CATSPER1: variants seen among roughly 807,000 people sequenced by gnomAD.
CATSPER1 encodes cation channel sperm-associated protein 1.
CATSPER1 carries 57 observed loss-of-function variants against 72.7 expected under a neutral mutation model. That is an observed-to-expected ratio of 0.78 (90% confidence interval 0.63 to 0.98). The LOEUF (loss-of-function observed/expected upper bound fraction) is 0.98, where lower values mean the gene tolerates loss of function less well. Ranked by LOEUF, CATSPER1 falls within the 50% of genes least tolerant of loss-of-function variation. The pLI, the probability that CATSPER1 is intolerant of heterozygous loss-of-function variation, is 0.00. For synonymous variants in CATSPER1, 363 were observed against 403.0 expected, an observed-to-expected ratio of 0.90 and a Z score of 1.19; for missense variants, 910 against 1,033.9, an observed-to-expected ratio of 0.88 and a Z score of 1.64.
Position 66,021,176 on chromosome 11 carries a change from G to T in CATSPER1, c.1701C>A (p.Thr567=). ...IRVLRRLSFL[T]SVQEVTGTLG... is the part of the protein sequence containing the mutation. ...GGGTCCCTGTCACTTCCTGGACGCT[G>T]GTCAGGAAGCTGTGGGCAGAAGGAG... The change falls in exon 5 of 12, where the codon ACC becomes ACA. Residue 567 remains threonine (T), a synonymous_variant. Coordinates refer to ENST00000312106, the MANE Select transcript of CATSPER1 (RefSeq NM_053054.4). 6.2e-7 allele frequency: 1 copy of T among 1,612,842 alleles called. No homozygotes were observed. Among genetic ancestry groups the T allele is most frequent in the Middle Eastern group, 1.7e-4 (1 of 5,994 alleles).
At position 66,025,947 on chromosome 11, in the gene CATSPER1, T is replaced by C. The variant is rs1856494593; in HGVS notation, c.433A>G (p.Arg145Gly). ...FHQQSDSHYHRGSHHGRPQYL... is the reference protein window; with the variant it reads ...FHQQSDSHYHGGSHHGRPQYL... ...TGGGGTCTGCCATGGTGAGACCCCC[T>C]ATGGTAATGGGAGTCACTCTGCTGA... The change falls in exon 1 of 12, where the codon AGG becomes GGG. Residue 145 changes from arginine to glycine, a missense_variant. By Grantham distance (125) the Arg-to-Gly change is moderately radical (BLOSUM62 -2). Coordinates refer to ENST00000312106, the MANE Select transcript of CATSPER1 (RefSeq NM_053054.4). The C allele has an allele frequency of 6.2e-7, 1 of 1,613,012 alleles. No individual in the cohort carries two copies. The highest frequency in any genetic ancestry group is 8.5e-7 in the Non-Finnish European group (1 of 1,179,740).
Position 66,021,630 on chromosome 11 carries a change from C to T in CATSPER1, c.1557G>A (p.Met519Ile), listed in dbSNP as rs760622742. The change falls in exon 4 of 12, where the codon ATG becomes ATA. Residue 519 changes from methionine to isoleucine, a missense_variant. By Grantham distance (10) the Met-to-Ile change is conservative. Transcript: ENST00000312106. ...GCAAGAAGTCCAGCACGGCCATGGC[C>T]ATAATGAAGAAGTCTGAGGGCACGG... ...DFWNNLDFFI[M>I]AMAVLDFLLM... 1 of 1,607,708 alleles carries T rather than the reference C, an allele frequency of 6.2e-7. No individual in the cohort carries two copies. The highest frequency in any genetic ancestry group is 1.1e-5 in the South Asian group (1 of 90,340).
chr11:66,023,139 G>A (rs948774843), intron 1 of CATSPER1, 78 bp from the exon 2 acceptor site: 1 of 1,349,434 alleles, frequency 7.4e-7, no homozygotes, highest in African/African-American at 1.4e-5. Flanking sequence ...GCCTGGCTCA[G>A]CGTCCATGGT....
In CATSPER1 at chr11:66,017,193, G is replaced by GGGGGGGGGGGGGGGGGGGGGGCCC; in HGVS notation, c.2202-20_2202-19insGGGCCCCCCCCCCCCCCCCCCCCC. On this transcript the variant is annotated intron_variant, in intron 10 of 11. Transcript: ENST00000312106. ...CTGCTGCCTGCGGGTGGGCGGGGGG[G>GGGGGGGGGGGGGGGGGGGGGGCCC]TCGCAGAGACAGGGGCTGGGCTGAC... The GGGGGGGGGGGGGGGGGGGGGGCCC allele has an allele frequency of 6.1e-6, 3 of 493,774 alleles. No homozygotes were observed. Among genetic ancestry groups the GGGGGGGGGGGGGGGGGGGGGGCCC allele is most frequent in the African/African-American group, 2.1e-5 (1 of 48,252 alleles). The allele number at this position is 493,774 out of a possible 1,614,324, so 30.6% of individuals were successfully genotyped here. A position where few individuals can be genotyped will look rare whatever the true frequency, so the allele number is the denominator to read the frequency against.
In CATSPER1 at chr11:66,017,193, G is replaced by GGGGGGGGGGGGCCCCC; in HGVS notation, c.2202-20_2202-19insGGGGGCCCCCCCCCCC. The GGGGGGGGGGGGCCCCC allele has an allele frequency of 1.0e-5, 5 of 493,810 alleles. No individual in the cohort carries two copies. The highest frequency in any genetic ancestry group is 2.0e-5 in the Non-Finnish European group (5 of 252,618). 30.6% of individuals were successfully genotyped at this position (493,810 alleles called of 1,614,324 possible). On this transcript the variant is annotated intron_variant, in intron 10 of 11. Coordinates refer to ENST00000312106, the MANE Select transcript of CATSPER1 (RefSeq NM_053054.4). ...CTGCTGCCTGCGGGTGGGCGGGGGGGTCGCAGAGACAGGGGCTGGGCTGAC... is the reference window on the plus strand; with the variant it reads ...CTGCTGCCTGCGGGTGGGCGGGGGGGGGGGGGGGGGGCCCCCTCGCAGAGACAGGGGCTGGGCTGAC...
At chr11:66,025,014 T>C in intron 1 of CATSPER1, 150 bp downstream of exon 1, 2 of 906,740 alleles carry the variant, frequency 2.2e-6, no homozygotes, top group Non-Finnish European at 1.8e-6. Flanking sequence ...GATGGGACCA[T>C]GAACAGTCAG....
rs748690968 is a variant in CATSPER1 at position 66,026,254 on chromosome 11, ATGG to A, written c.123_125del (p.His42del). ...GCACGCCGTGATGGTGCAACTCGTA[ATGG>A]TGGAGAGCTCTGCTGTGGCCTGGCC... On this transcript the variant is annotated inframe_deletion, in exon 1 of 12. Coordinates refer to ENST00000312106, the MANE Select transcript of CATSPER1 (RefSeq NM_053054.4). 4.1e-5 allele frequency: 66 copies of A among 1,613,982 alleles called. No homozygotes were observed. In the Middle Eastern group the frequency reaches 8.2e-4, roughly 20 times the overall value.
chr11:66,016,979 TG>T, intron 11 of CATSPER1, 63 bp from the exon 12 acceptor site: 1 of 1,613,172 alleles, frequency 6.2e-7, no homozygotes, highest in Non-Finnish European at 8.5e-7. Context: ...CCGATCCCCA[TG>T]GGAGTTACTT....
At chr11:66,018,934 G>T (rs1380278807) in intron 9 of CATSPER1, 32 bp from the exon 10 acceptor site, 1 of 1,579,198 alleles carries the variant, frequency 6.3e-7, no homozygotes, top group Non-Finnish European at 8.7e-7. Context: ...TGAGGTCAAG[G>T]CCTGGATTTG....
In CATSPER1 at chr11:66,025,237, G is replaced by C; in HGVS notation, c.1143C>G (p.Val381=). The C allele has an allele frequency of 6.2e-7, 1 of 1,614,192 alleles. No individual in the cohort carries two copies. The highest frequency in any genetic ancestry group is 1.1e-5 in the South Asian group (1 of 91,076). ...RSRVTQMSKK[V]HTQDISTKHS... ...GTTTGGTGGAGATATCCTGGGTATGGACTTTTTTGGACATCTGGGTGACAC... is the reference window on the plus strand; with the variant it reads ...GTTTGGTGGAGATATCCTGGGTATGCACTTTTTTGGACATCTGGGTGACAC... Residue 381 remains valine, a synonymous_variant, in exon 1 of 12, where the codon GTC becomes GTG. Coordinates refer to ENST00000312106, the MANE Select transcript of CATSPER1 (RefSeq NM_053054.4).
At chr11:66,022,474 C>T (rs1254125839) in intron 2 of CATSPER1, among the ~76,000 whole-genome samples, 3 of 152,394 alleles carry the variant, frequency 2.0e-5, no homozygotes, top group African/African-American at 7.2e-5. Context: ...CCCTGCTCCA[C>T]GGCGTTGGAG....
At chr11:66,024,859 C>A (rs867150805) in intron 1 of CATSPER1, among the ~76,000 whole-genome samples, 2 of 152,186 alleles carry the variant, frequency 1.3e-5, no homozygotes, top group Non-Finnish European at 2.9e-5. Flanking sequence ...TGAATTTTTC[C>A]CCATGCTGCC....
rs1199225616 is a variant in CATSPER1 at position 66,021,186 on chromosome 11, C to T, written c.1692-1G>A. 6.2e-7 allele frequency: 1 copy of T among 1,612,164 alleles called. No homozygotes were observed. Among genetic ancestry groups the T allele is most frequent in the Non-Finnish European group, 8.5e-7 (1 of 1,179,288 alleles). Reference sequence around the variant, plus strand: ...CACTTCCTGGACGCTGGTCAGGAAGCTGTGGGCAGAAGGAGTGGGGACTGA... The same window carrying T: ...CACTTCCTGGACGCTGGTCAGGAAGTTGTGGGCAGAAGGAGTGGGGACTGA... On this transcript the variant is annotated splice_acceptor_variant, in intron 4 of 11. Transcript: ENST00000312106. LOFTEE classifies it high-confidence loss of function.
At chr11:66,024,477 G>A (rs1481000576) in intron 1 of CATSPER1, among the ~76,000 whole-genome samples, 2 of 151,680 alleles carry the variant, frequency 1.3e-5, no homozygotes, top group Non-Finnish European at 2.9e-5. Context: ...ACGGGATCTC[G>A]CCATGTTGGC....
At chr11:66,019,043 G>C in intron 9 of CATSPER1, 141 bp from the exon 10 acceptor site, 1 of 715,560 alleles carries the variant, frequency 1.4e-6, no homozygotes, top group Non-Finnish European at 2.5e-6. Context: ...CATGCAGCAC[G>C]ATGCAGTTCC....
In CATSPER1 at chr11:66,016,757, T is replaced by G; in HGVS notation, c.*133A>C. 1 of 924,488 alleles carries G rather than the reference T, an allele frequency of 1.1e-6. No individual in the cohort carries two copies. Among genetic ancestry groups the G allele is most frequent in the Non-Finnish European group, 1.7e-6 (1 of 605,202 alleles). 57.3% of individuals were successfully genotyped at this position (924,488 alleles called of 1,614,324 possible). On this transcript the variant is annotated 3_prime_UTR_variant, in exon 12 of 12. Coordinates refer to ENST00000312106, the MANE Select transcript of CATSPER1 (RefSeq NM_053054.4). ...AGTGAGGACATGGAGCCTCCTGGGG[T>G]TTAAAAACTCTGTTGGGGCCCCTGC...
At chr11:66,021,986 C>T in intron 2 of CATSPER1, 107 bp from the exon 3 acceptor site, 1 of 865,206 alleles carries the variant, frequency 1.2e-6, no homozygotes, top group Non-Finnish European at 2.0e-6. Flanking sequence ...CTCCCCGGCT[C>T]TGCGTAAGCA....
chr11:66,025,034 T>TGG, intron 1 of CATSPER1, 130 bp downstream of exon 1: 1 of 1,060,944 alleles, frequency 9.4e-7, no homozygotes. Flanking sequence ...GGAGAGTGAA[T>TGG]AGCCAGTGGG....
Position 66,020,391 on chromosome 11 carries a change from T to C in CATSPER1, c.1992-2A>G. ...TCCACCAGGACAGTAATCACCAGGC[T>C]GGGGAGAGGGACAGGGGTGTGCCCT... is the stretch of plus-strand genomic sequence containing the variant. On this transcript the variant is annotated splice_acceptor_variant, in intron 7 of 11. Coordinates refer to ENST00000312106, the MANE Select transcript of CATSPER1 (RefSeq NM_053054.4). LOFTEE classifies it high-confidence loss of function. This position sits in a 1 kb window ranked among gnomAD's most constrained non-coding sequence, Gnocchi z 4.5. 6.2e-7 allele frequency: 1 copy of C among 1,613,938 alleles called. No homozygotes were observed. The highest frequency in any genetic ancestry group is 8.5e-7 in the Non-Finnish European group (1 of 1,180,004).
Sources: gnomAD v4.1 joint callset for allele counts (sites outside exome capture counted in the v4.1 genomes callset) on GRCh38, gnomAD v4.1.1 for gene constraint, Gnocchi (gnomAD v3.1) non-coding constraint, MANE v1.5 for transcripts, NCBI Gene and HGNC (gene_info 2026-07-23, HGNC 2026-07-21) for gene names.